The following ZNF705A variants were observed in gnomAD, a reference collection of about 807,000 sequenced individuals.
The protein encoded by ZNF705A is zinc finger protein 705A.
Under a neutral mutation model 16.6 loss-of-function variants are expected in ZNF705A, and 8 were observed. That is an observed-to-expected ratio of 0.48 (90% CI 0.28 to 0.87). The LOEUF (loss-of-function observed/expected upper bound fraction) is 0.87. ZNF705A is among the 40% of genes least tolerant of loss of function. The probability of loss-of-function intolerance (pLI) is 0.10; values close to 1 mark genes in which losing one functional copy is unlikely to be tolerated. For synonymous variants in ZNF705A, 73 were observed against 117.3 expected, an observed-to-expected ratio of 0.62 and a Z score of 2.44; for missense variants, 233 against 359.9, an observed-to-expected ratio of 0.65 and a Z score of 2.85.
Position 8,172,681 on chromosome 12 carries a change from G to T in ZNF705A, c.12+44G>T, listed in dbSNP as rs773674730. The stretch of plus-strand genomic sequence containing the variant: ...TTTCTACTGAAATTATACCCATATT[G>T]CTGGCAAGTGGGCATTTTTCTCCAA... On this transcript the variant is annotated intron_variant, in intron 1 of 4. Transcript: ENST00000359286. The T allele has an allele frequency of 4.4e-6, 7 of 1,594,292 alleles. No individual in the cohort carries two copies. The South Asian group carries it at 7.7e-5, about 18-fold the overall frequency.
At chr12:8,177,035 A>T (rs780338163) in exon 5 of ZNF705A, 1 of 1,611,064 alleles carries the variant, frequency 6.2e-7, no homozygotes, top group Non-Finnish European at 8.5e-7. Context: ...TTTTGAATGT[A>T]ATGATTCGGG....
At chr12:8,173,098 GC>G (rs1298764437) in intron 1 of ZNF705A, among the ~76,000 whole-genome samples, 1 of 152,236 alleles carries the variant, frequency 6.6e-6, no homozygotes, top group Non-Finnish European at 1.5e-5. Flanking sequence ...GAACATCACA[GC>G]CCAACAATGA....
chr12:8,165,981 T>A (rs1205613797), intron 1 of ZNF705A, among the ~76,000 whole-genome samples: 1 of 152,186 alleles, frequency 6.6e-6, no homozygotes, highest in Non-Finnish European at 1.5e-5. Flanking sequence ...AATATATGAG[T>A]GCACACATCT....
chr12:8,173,099 C>A (rs1205116798), intron 1 of ZNF705A, among the ~76,000 whole-genome samples: 1 of 152,204 alleles, frequency 6.6e-6, no homozygotes, highest in Non-Finnish European at 1.5e-5. Flanking sequence ...AACATCACAG[C>A]CCAACAATGA....
upstream of ZNF705A, among the ~76,000 whole-genome samples, chr12:8,171,488 G>A (rs1245207095): frequency 2.0e-5 from 3 of 152,046 alleles, no homozygotes; most frequent in South Asian, 2.1e-4. Context: ...TATAAACCAC[G>A]ATTGCAAGAA....
chr12:8,171,652 C>T (rs147918401), upstream of ZNF705A, among the ~76,000 whole-genome samples: 349 of 152,276 alleles, frequency 2.3e-3, 2 homozygotes, highest in African/African-American at 7.9e-3. Context: ...ATTTCTGATG[C>T]AGGAGATTTT....
At chr12:8,170,327 G>A (rs1948436064), upstream of ZNF705A, among the ~76,000 whole-genome samples, 1 of 151,918 alleles carries the variant, frequency 6.6e-6, no homozygotes. Context: ...TTTTTTCCAT[G>A]AATTAATGAA....
At chr12:8,159,598 T>C (rs1316288610) in intron 1 of ZNF705A, among the ~76,000 whole-genome samples, 1 of 152,102 alleles carries the variant, frequency 6.6e-6, no homozygotes, top group African/African-American at 2.4e-5. Context: ...TGTTGGCCAT[T>C]TGTATATCTT....
chr12:8,167,108 C>G (rs1948405498), intron 1 of ZNF705A, among the ~76,000 whole-genome samples: 1 of 152,094 alleles, frequency 6.6e-6, no homozygotes, highest in South Asian at 2.1e-4. Flanking sequence ...CTTTTTATAT[C>G]TATTCACCTT....
At chr12:8,167,096 A>C (rs1223903728) in intron 1 of ZNF705A, among the ~76,000 whole-genome samples, 1 of 152,110 alleles carries the variant, frequency 6.6e-6, no homozygotes, top group Non-Finnish European at 1.5e-5. Flanking sequence ...TGAACATTGA[A>C]ACTTTTTATA....
intron 1 of ZNF705A, 31 bp from the exon 3 acceptor site, chr12:8,174,295 T>C (rs1948467431): frequency 6.3e-7 from 1 of 1,595,022 alleles, no homozygotes; most frequent in African/African-American, 1.3e-5. Flanking sequence ...GGGATTTCTC[T>C]GTCTAAACTA....
At chr12:8,162,856 C>A (rs1416045358) in intron 1 of ZNF705A, among the ~76,000 whole-genome samples, 1 of 152,206 alleles carries the variant, frequency 6.6e-6, no homozygotes, top group Non-Finnish European at 1.5e-5. Context: ...AATCACCCCA[C>A]TTGCTCCTGG....
At chr12:8,158,380 A>T (rs1256766162) in intron 1 of ZNF705A, among the ~76,000 whole-genome samples, 2 of 152,126 alleles carry the variant, frequency 1.3e-5, no homozygotes, top group East Asian at 3.8e-4. Context: ...TCCAAACAAA[A>T]CTATACAGTA....
chr12:8,175,964 A>G (rs1371527214), intron 4 of ZNF705A, 22 bp downstream of exon 5: 1 of 1,610,134 alleles, frequency 6.2e-7, no homozygotes, highest in Non-Finnish European at 8.5e-7. Flanking sequence ...AGCTGTGTAC[A>G]CCAGTCATCT....
exon 5 of ZNF705A, chr12:8,177,740 G>A (rs1948498088): frequency 3.3e-6 from 4 of 1,219,896 alleles, no homozygotes; most frequent in South Asian, 1.6e-5. Flanking sequence ...ATGACACTGT[G>A]TTAGGAATGA....
chr12:8,159,982 T>C (rs1003658658), intron 1 of ZNF705A, among the ~76,000 whole-genome samples: 14 of 152,198 alleles, frequency 9.2e-5, no homozygotes, highest in Non-Finnish European at 1.5e-4. Flanking sequence ...CTGTAATCCA[T>C]CTTGAGTTGA....
chr12:8,168,311 T>A (rs181502840), upstream of ZNF705A, among the ~76,000 whole-genome samples: 1 of 152,338 alleles, frequency 6.6e-6, no homozygotes. Flanking sequence ...CTGACATTTC[T>A]AGTGGGTAGG....
chr12:8,168,224 A>G (rs763088543), upstream of ZNF705A, among the ~76,000 whole-genome samples: 3 of 152,322 alleles, frequency 2.0e-5, no homozygotes, highest in East Asian at 5.8e-4. Flanking sequence ...GGTGTAGACC[A>G]TCAGGAAACG....
exon 5 of ZNF705A, chr12:8,179,625 C>A (rs1343683228): frequency 2.0e-5 from 3 of 152,210 alleles, no homozygotes; most frequent in African/African-American, 7.2e-5. Context: ...ATTAAAAAAT[C>A]TCCACAAGTG....
Sources: gnomAD v4.1 joint callset for allele counts (sites outside exome capture counted in the v4.1 genomes callset) on GRCh38, gnomAD v4.1.1 for gene constraint, MANE v1.5 for transcripts, NCBI Gene and HGNC (gene_info 2026-07-23, HGNC 2026-07-21) for gene names.